The following ZNF726 variants were observed in gnomAD, a reference collection of about 807,000 sequenced individuals.
ZNF726 encodes the protein zinc finger protein 92 pseudogene 3.
In ZNF726, 15 loss-of-function variants were observed where a neutral mutation model predicts 11.6. The observed-to-expected ratio is 1.29, with a 90% CI of 0.86 to 1.99. The LOEUF (loss-of-function observed/expected upper bound fraction) is 1.99, where lower values mean the gene tolerates loss of function less well. Ranked by LOEUF, ZNF726 falls within the 30% of genes most tolerant of loss-of-function variation. The pLI is 0.00. For missense variants in ZNF726, 890 were observed against 725.6 expected (o/e 1.23, Z -2.60); for synonymous variants, 295 against 243.6 (o/e 1.21, Z -1.96).
downstream of ZNF726, among the ~76,000 whole-genome samples, chr19:23,937,388 C>T (rs571243889): frequency 2.5e-3 from 375 of 151,306 alleles, 4 homozygotes; most frequent in Middle Eastern, 0.014. Flanking sequence ...ACTTCTCAGA[C>T]GGGGTGGCTG....
At chr19:23,917,652 A>G (rs1483290002) in intron 1 of ZNF726, among the ~76,000 whole-genome samples, 1 of 152,120 alleles carries the variant, frequency 6.6e-6, no homozygotes, top group Non-Finnish European at 1.5e-5. Flanking sequence ...TTTATTCTGT[A>G]TCCTTTTTTG....
intron 3 of ZNF726, among the ~76,000 whole-genome samples, chr19:23,927,603 C>T (rs768302674): frequency 1.3e-5 from 2 of 152,078 alleles, no homozygotes; most frequent in Non-Finnish European, 2.9e-5. Flanking sequence ...GTGATCTTTC[C>T]ACCTCAGTGT....
intron 3 of ZNF726, among the ~76,000 whole-genome samples, chr19:23,924,929 T>C (rs1467699670): frequency 6.6e-6 from 1 of 152,170 alleles, no homozygotes; most frequent in Non-Finnish European, 1.5e-5. Context: ...ATATCATGTA[T>C]ATTCACATTG....
chr19:23,923,740 C>T (rs11669823), intron 3 of ZNF726: 9,540 of 155,816 alleles, frequency 0.061, 426 homozygotes, highest in Non-Finnish European at 0.088. Flanking sequence ...TTGCAGTTAT[C>T]TAGACAAATT....
At chr19:23,924,261 T>C (rs1380254160) in intron 3 of ZNF726, among the ~76,000 whole-genome samples, 1 of 151,038 alleles carries the variant, frequency 6.6e-6, no homozygotes. Context: ...TCCATGTTGG[T>C]CAGGCTGGTC....
At chr19:23,941,448 GT>G (rs1323020978) in intron 3 of ZNF726, among the ~76,000 whole-genome samples, 1 of 151,966 alleles carries the variant, frequency 6.6e-6, no homozygotes, top group Non-Finnish European at 1.5e-5. Flanking sequence ...TTCTTTTCTG[GT>G]TTTGTCTTTT....
At chr19:23,916,031 T>A (rs1199261516) in intron 1 of ZNF726, among the ~76,000 whole-genome samples, 1 of 152,232 alleles carries the variant, frequency 6.6e-6, no homozygotes, top group Non-Finnish European at 1.5e-5. Flanking sequence ...TTTAGACTTT[T>A]TTTTTAGAAG....
downstream of ZNF726, among the ~76,000 whole-genome samples, chr19:23,936,346 A>T (rs1968230793): frequency 6.6e-6 from 1 of 152,222 alleles, no homozygotes; most frequent in Non-Finnish European, 1.5e-5. Flanking sequence ...TAACTTTAAA[A>T]GAAGAATATT....
chr19:23,917,527 G>A (rs1370394060), intron 1 of ZNF726, among the ~76,000 whole-genome samples: 1 of 151,548 alleles, frequency 6.6e-6, no homozygotes, highest in Non-Finnish European at 1.5e-5. Context: ...AATTTCAGCT[G>A]TAGACAATGA....
intron 3 of ZNF726, chr19:23,929,057 CA>C (rs1361593886): frequency 6.6e-6 from 1 of 152,042 alleles, no homozygotes; most frequent in African/African-American, 2.4e-5. Flanking sequence ...CTTAACCTCT[CA>C]AAGTCCTGAG....
Position 23,932,331 on chromosome 19 carries a change from ATT to A in ZNF726, c.227-4_227-3del. Reference sequence around the variant, plus strand: ...ATAGTAAGTGGAGTAAATTATTTTAATTTTTTTTTAGGTATATGTCCTCATTT... The same window carrying A: ...ATAGTAAGTGGAGTAAATTATTTTAATTTTTTTAGGTATATGTCCTCATTT... On this transcript the variant is annotated splice_polypyrimidine_tract_variant and intron_variant, in intron 3 of 3. Transcript: ENST00000594466. 7.6e-7 allele frequency: 1 copy of A among 1,314,422 alleles called. No homozygotes were observed. The highest frequency in any genetic ancestry group is 9.8e-7 in the Non-Finnish European group (1 of 1,024,060). 81.4% of individuals were successfully genotyped at this position (1,314,422 alleles called of 1,614,324 possible).
At chr19:23,916,923 G>A (rs918459980) in intron 1 of ZNF726, among the ~76,000 whole-genome samples, 1 of 152,048 alleles carries the variant, frequency 6.6e-6, no homozygotes, top group African/African-American at 2.4e-5. Flanking sequence ...ACCTTGAAAG[G>A]ATTTGTTCAT....
chr19:23,929,727 C>G (rs1456773735), intron 3 of ZNF726, among the ~76,000 whole-genome samples: 1 of 151,864 alleles, frequency 6.6e-6, no homozygotes, highest in Non-Finnish European at 1.5e-5. Flanking sequence ...AAGATTATAC[C>G]TCTATATTTT....
chr19:23,936,749 AATTTATTTTTTATTT>A (rs1331197398), downstream of ZNF726, among the ~76,000 whole-genome samples: 3 of 150,220 alleles, frequency 2.0e-5, no homozygotes, highest in Admixed American at 2.0e-4. Context: ...TTTTTATTTT[AATTTATTTTTTATTT>A]ATTTATTTTT....
intron 3 of ZNF726, chr19:23,928,464 T>A (rs938378119): frequency 3.9e-5 from 6 of 152,180 alleles, no homozygotes; most frequent in African/African-American, 1.4e-4. Flanking sequence ...ACTTTATATA[T>A]TTTGGAGCCC....
chr19:23,935,700 A>C (rs143060734), downstream of ZNF726: 115 of 249,112 alleles, frequency 4.6e-4, 1 homozygote, highest in African/African-American at 2.5e-3. Flanking sequence ...ACTGGAAAAA[A>C]CTACCAATGT....
chr19:23,932,798 C>T lies in ZNF726; in HGVS notation c.682C>T (p.Pro228Ser), dbSNP rs1216028929. The part of the protein sequence containing the change: ...NHKKTHTEEK[P>S]YKCEEYGKAF... ...TAAGAAAACTCATACTGAAGAAAAG[C>T]CCTACAAATGTGAAGAATATGGCAA... The change falls in exon 4 of 4, where the codon CCC becomes TCC. Residue 228 changes from proline (P) to serine (S), a missense_variant. Transcript: ENST00000594466. 1.5e-5 allele frequency: 24 copies of T among 1,610,966 alleles called. No individual in the cohort carries two copies. The highest frequency in any genetic ancestry group is 6.7e-5 in the East Asian group (3 of 44,854).
chr19:23,936,150 TAAAA>T (rs1968226821), downstream of ZNF726: 1 of 152,200 alleles, frequency 6.6e-6, no homozygotes. Flanking sequence ...GCGTTCATAC[TAAAA>T]TATATTTTTG....
chr19:23,943,382 T>G (rs1331350027), intron 3 of ZNF726: 6 of 424,906 alleles, frequency 1.4e-5, no homozygotes, highest in Non-Finnish European at 2.1e-5. Context: ...GAAAACAGTA[T>G]TTTGAAATTA....
Sources: allele counts gnomAD v4.1 joint callset (sites outside exome capture counted in the v4.1 genomes callset), GRCh38; gene constraint gnomAD v4.1.1; transcripts MANE v1.5; gene names NCBI Gene and HGNC (gene_info 2026-07-23, HGNC 2026-07-21).